The following PSMB2 variants were observed in gnomAD, a reference collection of about 807,000 sequenced individuals.
PSMB2 encodes the protein proteasome subunit beta type-2.
Under a neutral mutation model 25.7 loss-of-function variants are expected in PSMB2, and 13 were observed. The ratio of observed to expected loss-of-function variants is 0.51; its 90% CI spans 0.33 to 0.80. The LOEUF (loss-of-function observed/expected upper bound fraction) is 0.80, where lower values mean the gene tolerates loss of function less well. Among genes scored for constraint, PSMB2 ranks in the 30% least tolerant of loss-of-function variants. The pLI is 0.02. For synonymous variants in PSMB2, 87 were observed against 96.2 expected, an observed-to-expected ratio of 0.90 and a Z score of 0.56; for missense variants, 202 against 259.0, an observed-to-expected ratio of 0.78 and a Z score of 1.51.
Position 35,603,281 on chromosome 1 carries a change from T to TG in PSMB2, c.591dup (p.Lys198GlnfsTer34). On this transcript the variant is annotated frameshift_variant, in exon 6 of 6. Coordinates refer to ENST00000373237, the MANE Select transcript of PSMB2 (RefSeq NM_002794.5). LOFTEE classifies it high-confidence loss of function. Reference sequence around the variant, plus strand: ...AGGACATGATGTTAGGAGCCCTGTTTGGGGAAGGAAATGTTATCCAGGTCA... The same window carrying TG: ...AGGACATGATGTTAGGAGCCCTGTTTGGGGGAAGGAAATGTTATCCAGGTCA... 6.2e-7 allele frequency: 1 copy of TG among 1,614,026 alleles called. No individual in the cohort carries two copies. Among genetic ancestry groups the TG allele is most frequent in the East Asian group, 2.2e-5 (1 of 44,888 alleles).
intron 3 of PSMB2, among the ~76,000 whole-genome samples, chr1:35,616,704 A>G (rs1255023980): frequency 1.3e-5 from 2 of 152,118 alleles, no homozygotes; most frequent in African/African-American, 4.8e-5. Context: ...CCAATCCCCA[A>G]TTTTTCAATT....
chr1:35,611,786 T>TGCAGTA (rs1650350951), intron 3 of PSMB2, among the ~76,000 whole-genome samples: 1 of 151,682 alleles, frequency 6.6e-6, no homozygotes, highest in Admixed American at 6.6e-5. Context: ...ATAGTGCTAC[T>TGCAGTA]GCACCACTCC....
At chr1:35,615,973 C>A (rs765622633) in intron 3 of PSMB2, among the ~76,000 whole-genome samples, 1 of 152,188 alleles carries the variant, frequency 6.6e-6, no homozygotes, top group Non-Finnish European at 1.5e-5. Flanking sequence ...TCTGCTATTT[C>A]TTTTAGTCCA....
At position 35,636,324 on chromosome 1, in the gene PSMB2, T is replaced by C. The variant is rs753915817; in HGVS notation, c.200A>G (p.Tyr67Cys). The change falls in exon 2 of 6, where the codon TAT (tyrosine) becomes TGT (cysteine). Residue 67 changes from tyrosine to cysteine, a missense_variant. Transcript: ENST00000373237. ...GTCTTACCCACCATTTCGCATCTTA[T>C]AAAGTTGCACGTTTTTCTGAATATA... is the stretch of plus-strand genomic sequence containing the variant. ...AEYIQKNVQL[Y>C]KMRNGYELSP... 1 of 1,614,044 alleles carries C rather than the reference T, an allele frequency of 6.2e-7. No individual in the cohort carries two copies. The highest frequency in any genetic ancestry group is 1.1e-5 in the South Asian group (1 of 91,090).
chr1:35,638,784 C>G (rs551570132), intron 1 of PSMB2, among the ~76,000 whole-genome samples: 1 of 152,164 alleles, frequency 6.6e-6, no homozygotes, highest in Non-Finnish European at 1.5e-5. Context: ...TGGCAATCCT[C>G]AGCAAATGTC....
At position 35,602,946 on chromosome 1, in the gene PSMB2, A is replaced by G; in HGVS notation, c.*321T>C. 1 of 1,044,568 alleles carries G rather than the reference A, an allele frequency of 9.6e-7. No individual in the cohort carries two copies. Among genetic ancestry groups the G allele is most frequent in the Non-Finnish European group, 1.2e-6 (1 of 866,470 alleles). The allele number at this position is 1,044,568 out of a possible 1,614,324, so 64.7% of individuals were successfully genotyped here. A position where few individuals can be genotyped will look rare whatever the true frequency, so the allele number is the denominator to read the frequency against. On this transcript the variant is annotated 3_prime_UTR_variant, in exon 6 of 6. Transcript: ENST00000373237. ...AGAGAGAATGGAGATACTAGCAAGTAAAATATATGAAAGAGCTAGTTGGAA... is the reference window on the plus strand; with the variant it reads ...AGAGAGAATGGAGATACTAGCAAGTGAAATATATGAAAGAGCTAGTTGGAA...
In PSMB2 at chr1:35,599,693, C is replaced by T; in HGVS notation, c.*3574G>A. ...GAAAACCACCAGAAAGTTTTAAGGG[C>T]AGAGAGGAATGGATGGTGAAACTAG... On this transcript the variant is annotated 3_prime_UTR_variant, in exon 6 of 6. Transcript: ENST00000373237. The T allele has an allele frequency of 1.0e-6, 1 of 985,052 alleles. No individual in the cohort carries two copies. The highest frequency in any genetic ancestry group is 1.2e-6 in the Non-Finnish European group (1 of 829,716). The allele number at this position is 985,052 out of a possible 1,614,324, so 61.0% of individuals were successfully genotyped here.
rs1650015303 is a variant in PSMB2 at position 35,601,985 on chromosome 1, T to C, written c.*1282A>G. On this transcript the variant is annotated 3_prime_UTR_variant, in exon 6 of 6. Transcript: ENST00000373237. ...GAATAAGCATATCTATATGTATTGATATAAAACAATCTCTAATATAGTGTT... is the reference window on the plus strand; with the variant it reads ...GAATAAGCATATCTATATGTATTGACATAAAACAATCTCTAATATAGTGTT... 5 of 870,810 alleles carry C rather than the reference T, an allele frequency of 5.7e-6. No individual in the cohort carries two copies. The highest frequency in any genetic ancestry group is 6.9e-6 in the Non-Finnish European group (5 of 725,822). The allele number at this position is 870,810 out of a possible 1,614,324, so 53.9% of individuals were successfully genotyped here. A position where few individuals can be genotyped will look rare whatever the true frequency, so the allele number is the denominator to read the frequency against.
At chr1:35,609,749 G>A (rs894328838) in intron 3 of PSMB2, among the ~76,000 whole-genome samples, 18 of 152,104 alleles carry the variant, frequency 1.2e-4, no homozygotes, top group Admixed American at 2.0e-4. Context: ...GTTAATAATA[G>A]CTTAACTGTA....
chr1:35,637,579 C>T (rs1423152012), intron 1 of PSMB2, among the ~76,000 whole-genome samples: 2 of 152,160 alleles, frequency 1.3e-5, no homozygotes, highest in African/African-American at 4.8e-5. Context: ...ATAATCCTCC[C>T]TGGGAGACAC....
intron 3 of PSMB2, 151 bp downstream of exon 3, chr1:35,631,123 A>G: frequency 1.4e-6 from 1 of 694,398 alleles, no homozygotes. Context: ...ACTGTGCACA[A>G]AGACATTGGA....
chr1:35,640,255 A>C (rs897862396), intron 1 of PSMB2, among the ~76,000 whole-genome samples: 2 of 152,144 alleles, frequency 1.3e-5, no homozygotes, highest in African/African-American at 4.8e-5. Flanking sequence ...TTTGACAAAT[A>C]TGTTTGGGCA....
chr1:35,609,256 G>A lies in PSMB2; in HGVS notation c.438C>T (p.Tyr146=), dbSNP rs1287990285. The change falls in exon 4 of 6, where the codon TAC becomes TAT. Residue 146 remains tyrosine (Y), a synonymous_variant. Transcript: ENST00000373237. ...AFLTLSILDR[Y]YTPTISRERA... The stretch of plus-strand genomic sequence containing the variant: ...AGTATTAATACTTACTCGGTGTGTA[G>A]TATCGGTCGAGGATACTGAGAGTCA... The A allele has an allele frequency of 6.2e-7, 1 of 1,604,882 alleles. No individual in the cohort carries two copies. Among genetic ancestry groups the A allele is most frequent in the Non-Finnish European group, 8.5e-7 (1 of 1,175,478 alleles).
Position 35,601,649 on chromosome 1 carries a change from T to C in PSMB2, c.*1618A>G, listed in dbSNP as rs1650005100. On this transcript the variant is annotated 3_prime_UTR_variant, in exon 6 of 6. Transcript: ENST00000373237. ...TAGGTAGTATCTTAGATGATACATT[T>C]AATCACAGACAAAACAAAAACCTAT... 3 of 985,194 alleles carry C rather than the reference T, an allele frequency of 3.0e-6. No individual in the cohort carries two copies. Among genetic ancestry groups the C allele is most frequent in the Non-Finnish European group, 3.6e-6 (3 of 829,694 alleles). 61.0% of individuals were successfully genotyped at this position (985,194 alleles called of 1,614,324 possible). A position where few individuals can be genotyped will look rare whatever the true frequency, so the allele number is the denominator to read the frequency against.
At position 35,599,759 on chromosome 1, in the gene PSMB2, T is replaced by C; in HGVS notation, c.*3508A>G. On this transcript the variant is annotated 3_prime_UTR_variant, in exon 6 of 6. Transcript: ENST00000373237. ...AGAAAGACCTGGAGAGGGAAGAGAT[T>C]AAAAGTAGAGTGAAGTTAGGAGGCT... The C allele has an allele frequency of 5.1e-6, 5 of 983,242 alleles. No individual in the cohort carries two copies. Among genetic ancestry groups the C allele is most frequent in the Non-Finnish European group, 6.0e-6 (5 of 828,082 alleles). 60.9% of individuals were successfully genotyped at this position (983,242 alleles called of 1,614,324 possible). A position where few individuals can be genotyped will look rare whatever the true frequency, so the allele number is the denominator to read the frequency against.
chr1:35,611,546 G>A (rs370375233), intron 3 of PSMB2, among the ~76,000 whole-genome samples: 3 of 152,068 alleles, frequency 2.0e-5, no homozygotes, highest in Non-Finnish European at 4.4e-5. Flanking sequence ...AGTCTTGGCC[G>A]GGCACGGTGG....
At chr1:35,624,780 A>G (rs1400367778) in intron 3 of PSMB2, among the ~76,000 whole-genome samples, 4 of 147,730 alleles carry the variant, frequency 2.7e-5, no homozygotes, top group Non-Finnish European at 6.0e-5. Context: ...AAACAAAAAA[A>G]CGCCAGGCAC....
At chr1:35,619,275 TA>T (rs1182585339) in intron 3 of PSMB2, among the ~76,000 whole-genome samples, 1 of 152,236 alleles carries the variant, frequency 6.6e-6, no homozygotes, top group Non-Finnish European at 1.5e-5. Context: ...TTGCTGCATT[TA>T]CAACCAATAT....
chr1:35,628,589 AAAAAAAAATATAT>A (rs1424558417), intron 3 of PSMB2, among the ~76,000 whole-genome samples: 5 of 21,408 alleles, frequency 2.3e-4, no homozygotes, highest in African/African-American at 3.3e-4. Flanking sequence ...AAAAAAAAAA[AAAAAAAAATATAT>A]ATATATATAT....
Sources: allele counts gnomAD v4.1 joint callset (sites outside exome capture counted in the v4.1 genomes callset), GRCh38; gene constraint gnomAD v4.1.1; transcripts MANE v1.5; gene names NCBI Gene and HGNC (gene_info 2026-07-23, HGNC 2026-07-21).